Variants in CIMIP5 observed in about 807,000 individuals in gnomAD.
CIMIP5 encodes uncharacterized protein C2orf50.
chr2:11,148,970 G>T, the CIMIP5 span, among the ~76,000 whole-genome samples: 1 of 151,942 alleles, frequency 6.6e-6, no homozygotes, highest in Non-Finnish European at 1.5e-5. Context: ...CTGACCGCAG[G>T]TGATCCGCCC....
the CIMIP5 span, among the ~76,000 whole-genome samples, chr2:11,146,212 C>T: frequency 6.6e-6 from 1 of 152,172 alleles, no homozygotes; most frequent in Admixed American, 6.5e-5. Flanking sequence ...TTAATCCTCT[C>T]AGCAACCCTA....
At chr2:11,137,319 A>C in the CIMIP5 span, among the ~76,000 whole-genome samples, 2 of 152,226 alleles carry the variant, frequency 1.3e-5, no homozygotes, top group African/African-American at 4.8e-5. Context: ...GGCTGCAATC[A>C]GCCGAGATTG....
chr2:11,140,654 T>A, the CIMIP5 span: 1 of 885,912 alleles, frequency 1.1e-6, no homozygotes. Flanking sequence ...CACCAGATAC[T>A]GGATGTGCAG....
the CIMIP5 span, among the ~76,000 whole-genome samples, chr2:11,149,921 C>A: frequency 2.6e-5 from 4 of 152,074 alleles, no homozygotes; most frequent in Non-Finnish European, 5.9e-5. Flanking sequence ...TCCATTGAGG[C>A]TCTGTAGAAG....
chr2:11,138,019 T>C, the CIMIP5 span, among the ~76,000 whole-genome samples: 8 of 152,160 alleles, frequency 5.3e-5, no homozygotes, highest in African/African-American at 1.9e-4. Flanking sequence ...CTAATTTTTG[T>C]ATTTTTAGTA....
At chr2:11,133,297 C>T in the CIMIP5 span, 57 of 1,543,178 alleles carry the variant, frequency 3.7e-5, no homozygotes, top group East Asian at 1.1e-3. Context: ...CTCTCTCTCT[C>T]TCTGACACAA....
chr2:11,141,999 C>T, the CIMIP5 span, among the ~76,000 whole-genome samples: 3 of 151,988 alleles, frequency 2.0e-5, no homozygotes, highest in Non-Finnish European at 4.4e-5. Context: ...GATGCGGTGG[C>T]TCACGCCTGT....
the CIMIP5 span, chr2:11,133,281 G>GTCTC: frequency 0.16 from 232,328 of 1,447,182 alleles, 2,923 homozygotes; most frequent in Non-Finnish European, 0.18. Context: ...TCAGGCACAG[G>GTCTC]TCTCTCTCTC....
chr2:11,139,256 T>A, the CIMIP5 span, among the ~76,000 whole-genome samples: 1 of 152,180 alleles, frequency 6.6e-6, no homozygotes, highest in African/African-American at 2.4e-5. Context: ...CAGGTATTAT[T>A]TATAGCAAGG....
At chr2:11,137,965 C>A in the CIMIP5 span, among the ~76,000 whole-genome samples, 4 of 152,234 alleles carry the variant, frequency 2.6e-5, no homozygotes, top group African/African-American at 9.6e-5. Context: ...CCTGCCTCGG[C>A]CTCCCAAGTA....
the CIMIP5 span, chr2:11,143,862 AT>A: frequency 2.2e-4 from 307 of 1,423,720 alleles, 3 homozygotes; most frequent in East Asian, 5.3e-3. Context: ...GTTTTCTCCC[AT>A]TCTAAGGTCC....
the CIMIP5 span, among the ~76,000 whole-genome samples, chr2:11,147,176 A>G: frequency 6.6e-6 from 1 of 152,136 alleles, no homozygotes; most frequent in African/African-American, 2.4e-5. Flanking sequence ...ACGTATTAGA[A>G]TTGTCACCAT....
the CIMIP5 span, among the ~76,000 whole-genome samples, chr2:11,143,168 CACAGTTCACACCATGGAGT>C: frequency 0.018 from 2,696 of 152,140 alleles, 65 homozygotes; most frequent in African/African-American, 0.055. Context: ...GTGATATTCA[CACAGTTCACACCATGGAGT>C]ACAGTTCACA....
chr2:11,133,421 C>A, the CIMIP5 span: 1 of 1,611,404 alleles, frequency 6.2e-7, no homozygotes, highest in Non-Finnish European at 8.5e-7. Flanking sequence ...CCTCGGTCTC[C>A]CCAGCTGCCC....
the CIMIP5 span, among the ~76,000 whole-genome samples, chr2:11,136,345 C>T: frequency 6.6e-6 from 1 of 152,098 alleles, no homozygotes; most frequent in African/African-American, 2.4e-5. Flanking sequence ...AGGCAACTTA[C>T]AGAATGACAG....
the CIMIP5 span, among the ~76,000 whole-genome samples, chr2:11,142,177 A>G: frequency 6.6e-6 from 1 of 151,672 alleles, no homozygotes; most frequent in East Asian, 1.9e-4. Flanking sequence ...GAGGCAGGAG[A>G]ATAGCTTGAA....
the CIMIP5 span, among the ~76,000 whole-genome samples, chr2:11,148,806 C>T: frequency 7.2e-6 from 1 of 138,388 alleles, no homozygotes; most frequent in African/African-American, 3.0e-5. Flanking sequence ...TGCGATCTCG[C>T]TCACTGCAAC....
the CIMIP5 span, chr2:11,133,136 C>CTCCCCAGCCCGGAGAGCCCTG: frequency 1.8e-6 from 1 of 565,576 alleles, no homozygotes; most frequent in Non-Finnish European, 2.9e-6. Flanking sequence ...CTCAAATGCT[C>CTCCCCAGCCCGGAGAGCCCTG]TCCCCAGCCC....
the CIMIP5 span, among the ~76,000 whole-genome samples, chr2:11,150,885 CA>C: frequency 6.6e-6 from 1 of 150,660 alleles, no homozygotes; most frequent in African/African-American, 2.4e-5. Context: ...AAAAAAAAAA[CA>C]AAAAACAAAA....
Sources: allele counts gnomAD v4.1 joint callset (sites outside exome capture counted in the v4.1 genomes callset), GRCh38; gene constraint gnomAD v4.1.1; transcripts MANE v1.5; gene names NCBI Gene and HGNC (gene_info 2026-07-23, HGNC 2026-07-21).